Variants in POLK observed in about 807,000 individuals in gnomAD.
POLK encodes the protein DNA polymerase kappa.
Under a neutral mutation model 94.0 loss-of-function variants are expected in POLK, and 76 were observed. The ratio of observed to expected loss-of-function variants is 0.81; its 90% CI spans 0.67 to 0.98. The LOEUF is 0.98. Ranked by LOEUF, POLK falls within the 50% of genes least tolerant of loss-of-function variation. POLK has a pLI of 0.00. For synonymous variants in POLK, 349 were observed against 325.4 expected (o/e 1.07, Z -0.78); for missense variants, 954 against 1,010.1 (o/e 0.94, Z 0.75).
intron 1 of POLK, among the ~76,000 whole-genome samples, chr5:75,530,812 T>C (rs906620373): frequency 2.1e-5 from 3 of 146,316 alleles, no homozygotes; most frequent in Non-Finnish European, 4.5e-5. Context: ...TTTCTTTTCT[T>C]TTTTTTTTTT....
At chr5:75,573,825 A>T in exon 5 of POLK, 1 of 1,613,498 alleles carries the variant, frequency 6.2e-7, no homozygotes. Context: ...ACAACTTATA[A>T]TAGTGCCCCC....
At chr5:75,608,149 G>C in the POLK span, among the ~76,000 whole-genome samples, 6 of 152,018 alleles carry the variant, frequency 3.9e-5, no homozygotes, top group Non-Finnish European at 8.8e-5. Context: ...ACTTATTGCA[G>C]GTCGGGTACT....
chr5:75,536,664 C>G (rs1356831215), intron 1 of POLK, among the ~76,000 whole-genome samples: 1 of 151,996 alleles, frequency 6.6e-6, no homozygotes, highest in Non-Finnish European at 1.5e-5. Flanking sequence ...GCTGTGCCTA[C>G]CAGCTGAGTT....
intron 1 of POLK, among the ~76,000 whole-genome samples, chr5:75,529,635 G>A (rs566045398): frequency 2.0e-4 from 31 of 152,222 alleles, no homozygotes; most frequent in African/African-American, 7.5e-4. Flanking sequence ...GTTCAGTACA[G>A]ATTTTTTAAA....
At chr5:75,548,784 G>A (rs1770186438) in intron 2 of POLK, among the ~76,000 whole-genome samples, 1 of 151,892 alleles carries the variant, frequency 6.6e-6, no homozygotes, top group Non-Finnish European at 1.5e-5. Flanking sequence ...CATAGAAGTT[G>A]GGGAAGAAAT....
chr5:75,512,645 C>G (rs1344109831), intron 1 of POLK: 2 of 152,228 alleles, frequency 1.3e-5, no homozygotes, highest in African/African-American at 4.8e-5. Flanking sequence ...TCTAACAACT[C>G]TTGTCAGTTG....
chr5:75,573,588 AAACAAC>A (rs1047459588), intron 4 of POLK, 144 bp from the exon 5 acceptor site: 6 of 634,228 alleles, frequency 9.5e-6, no homozygotes, highest in Non-Finnish European at 1.6e-5. Context: ...TATTTTTGGA[AAACAAC>A]AAAAACAAAA....
intron 1 of POLK, among the ~76,000 whole-genome samples, chr5:75,514,022 T>A (rs934147058): frequency 1.3e-5 from 2 of 152,204 alleles, no homozygotes; most frequent in Non-Finnish European, 2.9e-5. Flanking sequence ...ACTTCTACTA[T>A]AATTTCACAT....
At position 75,569,440 on chromosome 5, in the gene POLK, A is replaced by G. The variant is rs1227272537; in HGVS notation, c.356A>G (p.Asp119Gly). 9 of 1,613,634 alleles carry G rather than the reference A, an allele frequency of 5.6e-6. No individual in the cohort carries two copies. The East Asian group carries it at 1.6e-4, about 28-fold the overall frequency. The change falls in exon 4 of 15, where the codon GAC becomes GGC. Residue 119 changes from aspartate to glycine, a missense_variant. Physicochemically the swap from Asp to Gly is moderately conservative, Grantham distance 94 (BLOSUM62 -1). Transcript: ENST00000241436. ...TTCTATGCAGCTGTAGAAATGAGGG[A>G]CAATCCAGAATTGAAGGATAAACCC...
rs71600465 is a variant in POLK, at chr5:75,589,388, TACACACACACAC to T, written c.1260-917_1260-906del. 2.8e-3 allele frequency among the ~76,000 whole-genome samples: 359 copies of T among 128,314 alleles called. 2 individuals carry two copies. Among genetic ancestry groups the T allele is most frequent in the African/African-American group, 7.1e-3 (237 of 33,158 alleles). The allele number at this position is 128,314 out of a possible 152,430, so 84.2% of individuals were successfully genotyped here. A position where few individuals can be genotyped will look rare whatever the true frequency, so the allele number is the denominator to read the frequency against. On this transcript the variant is annotated intron_variant, in intron 10 of 14. Coordinates refer to ENST00000241436, the Ensembl canonical transcript of POLK. ...TGCTTATTTTATATATATACACACA[TACACACACACAC>T]ACACACACACACACACACACACACA...
At chr5:75,516,919 G>A (rs546470363) in intron 1 of POLK, among the ~76,000 whole-genome samples, 46 of 152,274 alleles carry the variant, frequency 3.0e-4, no homozygotes, top group African/African-American at 1.1e-3. Context: ...ACCATGATGT[G>A]TTCTTGATTG....
chr5:75,573,161 C>T (rs1209792418), intron 4 of POLK, among the ~76,000 whole-genome samples: 2 of 152,058 alleles, frequency 1.3e-5, no homozygotes, highest in Non-Finnish European at 2.9e-5. Flanking sequence ...GGCACATATA[C>T]ACCATGGAAT....
At chr5:75,528,335 A>G (rs562677847) in intron 1 of POLK, among the ~76,000 whole-genome samples, 2 of 152,278 alleles carry the variant, frequency 1.3e-5, no homozygotes, top group South Asian at 2.1e-4. Flanking sequence ...TATAAAATAT[A>G]TGAAGAAATA....
chr5:75,572,565 C>T (rs1172540801), intron 4 of POLK, among the ~76,000 whole-genome samples: 1 of 152,100 alleles, frequency 6.6e-6, no homozygotes, highest in Non-Finnish European at 1.5e-5. Flanking sequence ...TAACATAACT[C>T]ACTATCATCC....
At chr5:75,581,101 C>A in intron 6 of POLK, 108 bp from the exon 7 acceptor site, 1 of 707,196 alleles carries the variant, frequency 1.4e-6, no homozygotes, top group South Asian at 1.9e-5. Flanking sequence ...AGAAACTAAA[C>A]TAAACTAGAT....
chr5:75,542,614 C>G (rs1435704339), intron 1 of POLK, among the ~76,000 whole-genome samples: 1 of 149,866 alleles, frequency 6.7e-6, no homozygotes, highest in Non-Finnish European at 1.5e-5. Flanking sequence ...TACACATATA[C>G]ACATATATAT....
exon 9 of POLK, chr5:75,584,832 C>A: frequency 6.3e-7 from 1 of 1,597,310 alleles, no homozygotes; most frequent in Non-Finnish European, 8.6e-7. Flanking sequence ...AGAACTTTAC[C>A]AACAGAGGGC....
rs761322758 is a variant in POLK, at chr5:75,552,460, T to C, written c.136-12T>C. On this transcript the variant is annotated splice_polypyrimidine_tract_variant and intron_variant, in intron 2 of 14. Coordinates refer to ENST00000241436, the Ensembl canonical transcript of POLK. ...ACATTTTTCTTATGCTTTGTTTTGT[T>C]TTCCTCCATAGGGGTCCAGATTTTA... 4 of 1,605,476 alleles carry C rather than the reference T, an allele frequency of 2.5e-6. No homozygotes were observed.
At chr5:75,588,471 A>G (rs1772586491) in intron 10 of POLK, among the ~76,000 whole-genome samples, 1 of 152,236 alleles carries the variant, frequency 6.6e-6, no homozygotes, top group African/African-American at 2.4e-5. Flanking sequence ...AATTAAAGAA[A>G]TACAGATTGA....
Sources: gnomAD v4.1 joint callset for allele counts (sites outside exome capture counted in the v4.1 genomes callset) on GRCh38, gnomAD v4.1.1 for gene constraint, MANE v1.5 for transcripts, NCBI Gene and HGNC (gene_info 2026-07-23, HGNC 2026-07-21) for gene names.